Variants in ASAP1 observed in about 807,000 individuals in gnomAD.
ASAP1 encodes ArfGAP with SH3 domain, ankyrin repeat and PH domain 1, also known as arf-GAP with SH3 domain, ANK repeat and PH domain-containing protein 1.
A neutral mutation model predicts 145.2 loss-of-function variants in ASAP1; 43 were observed. That is an observed-to-expected ratio of 0.30 (90% confidence interval 0.23 to 0.38). ASAP1 has a LOEUF of 0.38. ASAP1 is among the 10% of genes least tolerant of loss of function. The pLI is 1.00. For synonymous variants in ASAP1, 546 were observed against 515.5 expected (o/e 1.06, Z -0.80); for missense variants, 1,018 against 1,355.3 (o/e 0.75, Z 3.91).
intron 5 of ASAP1, among the ~76,000 whole-genome samples, chr8:130,211,996 C>A (rs572277323): frequency 6.6e-6 from 1 of 152,154 alleles, no homozygotes; most frequent in African/African-American, 2.4e-5. Context: ...AGGTGCTGCA[C>A]GAAGATCCAG....
chr8:130,280,144 T>G (rs1033915829), intron 3 of ASAP1, among the ~76,000 whole-genome samples: 1 of 152,150 alleles, frequency 6.6e-6, no homozygotes, highest in Non-Finnish European at 1.5e-5. Context: ...TTAAAACACA[T>G]CACAAGGCCA....
At chr8:130,438,520 G>C (rs1830391319) in intron 1 of ASAP1, among the ~76,000 whole-genome samples, 2 of 152,332 alleles carry the variant, frequency 1.3e-5, no homozygotes, top group Non-Finnish European at 2.9e-5. Context: ...AAATGGACTG[G>C]GGGCAGACTC....
At chr8:130,357,276 C>T (rs1826377007) in intron 3 of ASAP1, among the ~76,000 whole-genome samples, 1 of 152,250 alleles carries the variant, frequency 6.6e-6, no homozygotes, top group African/African-American at 2.4e-5. Context: ...CTCGGGCCTC[C>T]CTTCTCCGTG....
intron 15 of ASAP1, among the ~76,000 whole-genome samples, chr8:130,130,164 G>A (rs1228624370): frequency 1.3e-5 from 2 of 152,140 alleles, no homozygotes; most frequent in Non-Finnish European, 2.9e-5. Flanking sequence ...ATCCAAAAAA[G>A]TTGTGGGCCC....
intron 2 of ASAP1, among the ~76,000 whole-genome samples, chr8:130,359,086 A>C (rs1380941250): frequency 6.6e-6 from 1 of 152,196 alleles, no homozygotes; most frequent in Admixed American, 6.5e-5. Flanking sequence ...ATCTCTCTGC[A>C]GGGTGCTCCT....
In ASAP1 at chr8:130,358,839, A is replaced by C; in HGVS notation, c.60-696T>G. On this transcript the variant is annotated intron_variant, in intron 2 of 29. Coordinates refer to ENST00000518721, the MANE Select transcript of ASAP1 (RefSeq NM_018482.4). The surrounding 1 kb of genome is among the most constrained non-coding windows in gnomAD (Gnocchi z 4.1). Reference sequence around the variant, plus strand: ...GGCTGCGCGGCACGGGGGCTCCGGAAGCCCGAGTCCCTGGTTCGCCCCCGG... The same window carrying C: ...GGCTGCGCGGCACGGGGGCTCCGGACGCCCGAGTCCCTGGTTCGCCCCCGG... Among the ~76,000 whole-genome samples, 1 of 151,640 alleles carries C rather than the reference A, an allele frequency of 6.6e-6. No homozygotes were observed. Among genetic ancestry groups the C allele is most frequent in the Non-Finnish European group, 1.5e-5 (1 of 67,882 alleles).
chr8:130,179,389 G>C (rs1458707569), intron 8 of ASAP1, 40 bp from the exon 9 acceptor site: 1 of 1,288,244 alleles, frequency 7.8e-7, no homozygotes, highest in Non-Finnish European at 1.1e-6. Flanking sequence ...ATTAATTCCA[G>C]ATGGGGCTCT....
At chr8:130,314,866 C>T (rs755555391) in intron 3 of ASAP1, among the ~76,000 whole-genome samples, 1 of 152,146 alleles carries the variant, frequency 6.6e-6, no homozygotes, top group Non-Finnish European at 1.5e-5. Flanking sequence ...CTTGTTCAGG[C>T]CAATAATTAA....
chr8:130,305,299 T>C (rs762494321), intron 3 of ASAP1, among the ~76,000 whole-genome samples: 37 of 152,370 alleles, frequency 2.4e-4, no homozygotes, highest in Non-Finnish European at 4.1e-4. Flanking sequence ...GTTCTATCCA[T>C]AGTGCTTAGA....
chr8:130,301,958 C>A (rs371467413), intron 3 of ASAP1, among the ~76,000 whole-genome samples: 1 of 152,344 alleles, frequency 6.6e-6, no homozygotes, highest in East Asian at 1.9e-4. Flanking sequence ...GTAACCTCCA[C>A]GATGGCAGGG....
chr8:130,189,730 A>G (rs972408007), intron 5 of ASAP1, among the ~76,000 whole-genome samples: 9 of 152,206 alleles, frequency 5.9e-5, no homozygotes, highest in Admixed American at 1.3e-4. Context: ...AGGAGCCTCT[A>G]TACCATTCTC....
chr8:130,343,753 A>G (rs1825534083), intron 3 of ASAP1, among the ~76,000 whole-genome samples: 1 of 152,232 alleles, frequency 6.6e-6, no homozygotes, highest in Admixed American at 6.5e-5. Context: ...TGCTAAGCCA[A>G]CTGTACAAAA....
rs1385976408 is a variant in ASAP1 at position 130,134,331 on chromosome 8, A to G, written c.1182T>C (p.Tyr394=). The G allele has an allele frequency of 7.6e-6, 12 of 1,581,878 alleles. No homozygotes were observed. The highest frequency in any genetic ancestry group is 1.7e-4 in the Middle Eastern group (1 of 5,912). The stretch of plus-strand genomic sequence containing the variant: ...CCTGCTCATCTTCTGCCTGAAAGTG[A>G]TATGTTCTATTATCTAAAATAAAAA... The part of the protein sequence containing the change: ...SFDLISHNRT[Y]HFQAEDEQDY... The change falls in exon 15 of 30, where the codon TAT becomes TAC. Residue 394 remains tyrosine (Y), a synonymous_variant. Coordinates refer to ENST00000518721, the MANE Select transcript of ASAP1 (RefSeq NM_018482.4).
chr8:130,243,639 T>C (rs1818677783), intron 3 of ASAP1, among the ~76,000 whole-genome samples: 1 of 152,210 alleles, frequency 6.6e-6, no homozygotes, highest in Non-Finnish European at 1.5e-5. Flanking sequence ...GAGCTAGTCC[T>C]GCCTTAAAGC....
chr8:130,103,108 C>T (rs11783860), intron 24 of ASAP1, among the ~76,000 whole-genome samples: 8,619 of 152,040 alleles, frequency 0.057, 323 homozygotes, highest in Non-Finnish European at 0.082. Flanking sequence ...TATTATTAAT[C>T]TGCTCAGGTT....
chr8:130,272,274 A>C (rs7815532), intron 3 of ASAP1, among the ~76,000 whole-genome samples: 4,018 of 152,298 alleles, frequency 0.026, 64 homozygotes, highest in Middle Eastern at 0.044. Context: ...GCAATTTAAA[A>C]CCATAATGAC....
intron 2 of ASAP1, among the ~76,000 whole-genome samples, chr8:130,369,489 C>T (rs748494335): frequency 2.0e-5 from 3 of 151,998 alleles, no homozygotes; most frequent in Non-Finnish European, 4.4e-5. Context: ...TGATAAAGGC[C>T]TAGTATTCAA....
intron 17 of ASAP1, among the ~76,000 whole-genome samples, chr8:130,125,564 T>TA (rs961840845): frequency 4.6e-5 from 7 of 151,228 alleles, no homozygotes; most frequent in East Asian, 1.9e-4. Context: ...TTAGAAATAA[T>TA]AAAAAAAAAT....
In ASAP1 at chr8:130,125,161, G is replaced by A. The variant is rs148398867; in HGVS notation, c.1515+795C>T. On this transcript the variant is annotated intron_variant, in intron 17 of 29. Coordinates refer to ENST00000518721, the MANE Select transcript of ASAP1 (RefSeq NM_018482.4). ...GCTCAAGGGTGAGCCTCCTGTCTGAGAAGTCATACTTTATTTTAAAAATTT... is the reference window on the plus strand; with the variant it reads ...GCTCAAGGGTGAGCCTCCTGTCTGAAAAGTCATACTTTATTTTAAAAATTT... Among the ~76,000 whole-genome samples, 758 of 152,232 alleles carry A rather than the reference G, an allele frequency of 5.0e-3. 5 individuals carry two copies. The highest frequency in any genetic ancestry group is 0.014 in the Middle Eastern group (4 of 294).
Sources: gnomAD v4.1 joint callset for allele counts (sites outside exome capture counted in the v4.1 genomes callset) on GRCh38, gnomAD v4.1.1 for gene constraint, Gnocchi (gnomAD v3.1) non-coding constraint, MANE v1.5 for transcripts, NCBI Gene and HGNC (gene_info 2026-07-23, HGNC 2026-07-21) for gene names.